RAD51: variants seen among roughly 807,000 people sequenced by gnomAD.
RAD51 encodes DNA repair protein RAD51 homolog 1.
A neutral mutation model predicts 41.5 loss-of-function variants in RAD51; 14 were observed. That is an observed-to-expected ratio of 0.34 (90% confidence interval 0.22 to 0.53). RAD51 has a LOEUF of 0.53. RAD51 is among the 20% of genes least tolerant of loss of function. RAD51 has a pLI of 0.95. For missense variants in RAD51, 234 were observed against 422.0 expected (o/e 0.55, Z 3.90); for synonymous variants, 136 against 148.6 (o/e 0.92, Z 0.62).
At chr15:40,709,481 C>G (rs1351425220) in intron 5 of RAD51, among the ~76,000 whole-genome samples, 2 of 144,006 alleles carry the variant, frequency 1.4e-5, no homozygotes, top group Non-Finnish European at 3.0e-5. Flanking sequence ...TCAAGTGATT[C>G]TCCTTCATCA....
intron 6 of RAD51, among the ~76,000 whole-genome samples, chr15:40,722,137 C>A (rs1008673511): frequency 6.6e-6 from 1 of 152,116 alleles, no homozygotes; most frequent in Non-Finnish European, 1.5e-5. Context: ...TGAGGCCAGG[C>A]GTGGTGGCTT....
chr15:40,707,187 A>C (rs1462073181), intron 4 of RAD51, among the ~76,000 whole-genome samples: 1 of 117,970 alleles, frequency 8.5e-6, no homozygotes, highest in East Asian at 2.5e-4. Flanking sequence ...GAGTCGGGGC[A>C]TCACTCATTA....
intron 5 of RAD51, among the ~76,000 whole-genome samples, chr15:40,711,829 C>G (rs1895717205): frequency 1.3e-5 from 2 of 152,176 alleles, no homozygotes; most frequent in African/African-American, 4.8e-5. Flanking sequence ...AATCCCAGCA[C>G]TTTGGGAGGC....
chr15:40,705,743 T>G (rs953047282), intron 3 of RAD51, among the ~76,000 whole-genome samples: 23 of 152,162 alleles, frequency 1.5e-4, no homozygotes, highest in African/African-American at 5.5e-4. Flanking sequence ...TAGCTGGGAC[T>G]TCAGGCACCC....
In RAD51 at chr15:40,712,877, C is replaced by CTTTTTTTTTTTT. The variant is rs398039433; in HGVS notation, c.435+3769_435+3780dup. The stretch of plus-strand genomic sequence containing the variant: ...GTTGAGTTTTTTTTTCTTTTCTTTT[C>CTTTTTTTTTTTT]TTTTTTTTTTTTTTTTTTTGAGAAA... On this transcript the variant is annotated intron_variant, in intron 5 of 9. Transcript: ENST00000267868. Among the ~76,000 whole-genome samples, 204 of 103,874 alleles carry CTTTTTTTTTTTT rather than the reference C, an allele frequency of 2.0e-3. 1 individual carries two copies. Among genetic ancestry groups the CTTTTTTTTTTTT allele is most frequent in the East Asian group, 4.5e-3 (14 of 3,128 alleles). 68.1% of individuals were successfully genotyped at this position (103,874 alleles called of 152,430 possible).
At chr15:40,729,282 A>T (rs1896748309) in intron 7 of RAD51, among the ~76,000 whole-genome samples, 1 of 146,146 alleles carries the variant, frequency 6.8e-6, no homozygotes, top group Non-Finnish European at 1.5e-5. Flanking sequence ...CTGAAGCAGG[A>T]GAATGGAGTG....
intron 3 of RAD51, chr15:40,701,884 A>T: frequency 2.6e-6 from 1 of 381,628 alleles, no homozygotes; most frequent in Non-Finnish European, 5.2e-6. Context: ...CTCAGGTTCA[A>T]GTGATTCTCC....
At chr15:40,701,585 C>T (rs948144591) in intron 3 of RAD51, among the ~76,000 whole-genome samples, 1 of 151,762 alleles carries the variant, frequency 6.6e-6, no homozygotes, top group Non-Finnish European at 1.5e-5. Flanking sequence ...CCTACCTCAG[C>T]CTCCCAAAGT....
rs1259366727 is a variant in RAD51 at position 40,709,103 on chromosome 15, C to T, written c.422C>T (p.Ala141Val). The change falls in exon 5 of 10, where the codon GCT becomes GTT. Residue 141 changes from alanine to valine, a missense_variant. Physicochemically the swap from Ala to Val is moderately conservative, Grantham distance 64. Coordinates refer to ENST00000267868, the MANE Select transcript of RAD51 (RefSeq NM_002875.5). ...TGKTQICHTL[A>V]VTCQLPIDRG... ...AAGACCCAGATCTGTCATACGCTAG[C>T]TGTCACCTGCCAGGTGAGCTGTTGG... 1.9e-6 allele frequency: 3 copies of T among 1,613,354 alleles called. No homozygotes were observed. Among genetic ancestry groups the T allele is most frequent in the Non-Finnish European group, 2.5e-6 (3 of 1,179,286 alleles).
At chr15:40,704,352 C>A (rs1895191926) in intron 3 of RAD51, among the ~76,000 whole-genome samples, 1 of 149,326 alleles carries the variant, frequency 6.7e-6, no homozygotes, top group Admixed American at 6.7e-5. Context: ...TCGTGAGCCA[C>A]CGCGCCAGGC....
intron 6 of RAD51, among the ~76,000 whole-genome samples, chr15:40,725,166 TG>T (rs1218432818): frequency 6.6e-6 from 1 of 152,080 alleles, no homozygotes; most frequent in Non-Finnish European, 1.5e-5. Context: ...CCCAAAGTGC[TG>T]GGATTACAGG....
Position 40,707,829 on chromosome 15 carries a change from T to C in RAD51, c.344-1196T>C, listed in dbSNP as rs147498799. 2.0e-5 allele frequency among the ~76,000 whole-genome samples: 3 copies of C among 152,100 alleles called. No individual in the cohort carries two copies. In the East Asian group the frequency reaches 5.8e-4, roughly 29 times the overall value. On this transcript the variant is annotated intron_variant, in intron 4 of 9. Coordinates refer to ENST00000267868, the MANE Select transcript of RAD51 (RefSeq NM_002875.5). ...GACTCCCAGGTTTGAGCAGTTCTCC[T>C]GCCTCAGTCTCCTGAGTAGCTGCAA...
intron 5 of RAD51, among the ~76,000 whole-genome samples, chr15:40,713,256 T>TTTA (rs1262708245): frequency 1.3e-5 from 2 of 149,898 alleles, no homozygotes; most frequent in Non-Finnish European, 3.0e-5. Context: ...TTTTTTTTTT[T>TTTA]TTTTTTATTT....
intron 1 of RAD51, 27 bp from the exon 2 acceptor site, chr15:40,698,730 A>T (rs1894806882): frequency 1.3e-6 from 2 of 1,586,770 alleles, no homozygotes; most frequent in Non-Finnish European, 1.7e-6. Flanking sequence ...TCTAGTGTTT[A>T]TACTGATAAG....
In RAD51 at chr15:40,731,256, C is replaced by T; in HGVS notation, c.*78C>T. 6.3e-7 allele frequency: 1 copy of T among 1,585,630 alleles called. No individual in the cohort carries two copies. The highest frequency in any genetic ancestry group is 1.7e-5 in the Admixed American group (1 of 59,658). On this transcript the variant is annotated 3_prime_UTR_variant, in exon 10 of 10. Coordinates refer to ENST00000267868, the MANE Select transcript of RAD51 (RefSeq NM_002875.5). ...GTGCACTGCTCCCTGGGGTTCTCTA[C>T]AGGCCTCTTCCTGTTGTGACTGCCA...
At chr15:40,721,170 G>A (rs947807273) in intron 6 of RAD51, among the ~76,000 whole-genome samples, 11 of 152,124 alleles carry the variant, frequency 7.2e-5, no homozygotes, top group African/African-American at 2.2e-4. Context: ...GTGACAAAGC[G>A]AGACTCTATC....
chr15:40,724,332 CAG>C (rs1239026802), intron 6 of RAD51, among the ~76,000 whole-genome samples: 2 of 152,106 alleles, frequency 1.3e-5, no homozygotes, highest in African/African-American at 2.4e-5. Flanking sequence ...AGCTTTTGGA[CAG>C]AGTCACTAAA....
chr15:40,724,524 A>G (rs1010919897), intron 6 of RAD51, among the ~76,000 whole-genome samples: 6 of 152,060 alleles, frequency 3.9e-5, no homozygotes, highest in African/African-American at 1.4e-4. Context: ...TTGTTTTTTT[A>G]GAGACGGGTC....
chr15:40,707,195 T>C (rs531213320), intron 4 of RAD51, among the ~76,000 whole-genome samples: 15 of 142,628 alleles, frequency 1.1e-4, no homozygotes, highest in Admixed American at 2.9e-4. Flanking sequence ...GCATCACTCA[T>C]TATGTTGCCC....
Sources: allele counts gnomAD v4.1 joint callset (sites outside exome capture counted in the v4.1 genomes callset), GRCh38; gene constraint gnomAD v4.1.1; transcripts MANE v1.5; gene names NCBI Gene and HGNC (gene_info 2026-07-23, HGNC 2026-07-21).